Variants in TMC5 observed in about 807,000 individuals in gnomAD.
TMC5 encodes the protein transmembrane channel like 5.
A neutral mutation model predicts 110.5 loss-of-function variants in TMC5; 86 were observed. The observed-to-expected ratio is 0.78, with a 90% CI of 0.65 to 0.93. The LOEUF (loss-of-function observed/expected upper bound fraction) is 0.93, where lower values mean the gene tolerates loss of function less well. Ranked by LOEUF, TMC5 falls within the 40% of genes least tolerant of loss-of-function variation. The pLI is 0.00. For synonymous variants in TMC5, 455 were observed against 439.5 expected (o/e 1.04, Z -0.44); for missense variants, 1,144 against 1,222.8 (o/e 0.94, Z 0.96).
At chr16:19,413,124 G>A (rs1297637276), upstream of TMC5, among the ~76,000 whole-genome samples, 4 of 152,186 alleles carry the variant, frequency 2.6e-5, no homozygotes, top group Admixed American at 6.5e-5. Flanking sequence ...GGCTTTAGGC[G>A]CACCCTACCA....
chr16:19,411,611 C>T (rs1006030358), intron 1 of TMC5: 20 of 152,310 alleles, frequency 1.3e-4, no homozygotes, highest in African/African-American at 4.6e-4. Flanking sequence ...TTCTGGGATC[C>T]TTTTCCCTAT....
chr16:19,469,684 G>A lies in TMC5; in HGVS notation c.1641G>A (p.Met547Ile), dbSNP rs144904444. Reference sequence around the variant, plus strand: ...TTCTGCTTTCTGCCTTCTCTAGCATGGCCAAGTATTTCCGGAACAACTTCA... The same window carrying A: ...TTCTGCTTTCTGCCTTCTCTAGCATAGCCAAGTATTTCCGGAACAACTTCA... ...TTCFFSLLFS[M>I]AKYFRNNFIN... The change falls in exon 10 of 22, where the codon ATG becomes ATA. Residue 547 changes from methionine to isoleucine, a missense_variant. Met to Ile is a conservative substitution (Grantham distance 10). Transcript: ENST00000542583. 8 of 1,613,826 alleles carry A rather than the reference G, an allele frequency of 5.0e-6. No homozygotes were observed. The highest frequency in any genetic ancestry group is 6.8e-6 in the Non-Finnish European group (8 of 1,179,916).
At chr16:19,477,324 C>T (rs1968513303) in intron 12 of TMC5, 116 bp from the exon 13 acceptor site, 1 of 764,800 alleles carries the variant, frequency 1.3e-6, no homozygotes, top group Non-Finnish European at 2.3e-6. Flanking sequence ...ATGTGCCCCC[C>T]TCCAACCACA....
rs1300666947 is a variant in TMC5, at chr16:19,481,398, C to T, written c.2296C>T (p.Leu766Phe). The change falls in exon 15 of 22, where the codon CTT becomes TTT. Residue 766 changes from leucine (L) to phenylalanine (F), a missense_variant. Leu to Phe is a conservative substitution (Grantham distance 22). Coordinates refer to ENST00000542583, the MANE Select transcript of TMC5 (RefSeq NM_001261841.2). ...CATTGGGATGCAACTGATCACAAGT[C>T]TTGGCCTTCAGGAGTTTGACATTGC... is the stretch of plus-strand genomic sequence containing the variant. Reference protein sequence around the residue: ...RIIGMQLITSLGLQEFDIARN... With the variant: ...RIIGMQLITSFGLQEFDIARN... The T allele has an allele frequency of 6.2e-7, 1 of 1,613,882 alleles. No individual in the cohort carries two copies. The highest frequency in any genetic ancestry group is 1.7e-5 in the Admixed American group (1 of 59,990).
intron 18 of TMC5, among the ~76,000 whole-genome samples, chr16:19,490,903 C>CTCCCT (rs141088706): frequency 0.2 from 11,407 of 58,436 alleles, 1,288 homozygotes; most frequent in East Asian, 0.41. Context: ...CTCCCTTCCC[C>CTCCCT]TCCCTTCCCT....
At position 19,462,492 on chromosome 16, in the gene TMC5, G is replaced by C. The variant is rs781313888; in HGVS notation, c.1149-788G>C. 8.6e-6 allele frequency: 6 copies of C among 701,320 alleles called. No individual in the cohort carries two copies. In the South Asian group the frequency reaches 8.9e-5, roughly 10 times the overall value. 43.4% of individuals were successfully genotyped at this position (701,320 alleles called of 1,614,324 possible). A position where few individuals can be genotyped will look rare whatever the true frequency, so the allele number is the denominator to read the frequency against. On this transcript the variant is annotated intron_variant, in intron 6 of 21. Coordinates refer to ENST00000542583, the MANE Select transcript of TMC5 (RefSeq NM_001261841.2). ...AGGAAAGAGGTTTAATGGACTCACTGTTCCACACAGCAGGGGAGGCCTCAC... is the reference window on the plus strand; with the variant it reads ...AGGAAAGAGGTTTAATGGACTCACTCTTCCACACAGCAGGGGAGGCCTCAC...
chr16:19,451,045 G>T (rs554134063), intron 5 of TMC5, among the ~76,000 whole-genome samples: 156 of 152,104 alleles, frequency 1.0e-3, no homozygotes, highest in Non-Finnish European at 1.8e-3. Context: ...GAGGCGGTAG[G>T]ATTGCTTGAG....
Position 19,469,680 on chromosome 16 carries a change from G to C in TMC5, c.1638-1G>C. The C allele has an allele frequency of 6.2e-7, 1 of 1,613,886 alleles. No homozygotes were observed. Among genetic ancestry groups the C allele is most frequent in the Non-Finnish European group, 8.5e-7 (1 of 1,179,860 alleles). The stretch of plus-strand genomic sequence containing the variant: ...GGTGTTCTGCTTTCTGCCTTCTCTA[G>C]CATGGCCAAGTATTTCCGGAACAAC... On this transcript the variant is annotated splice_acceptor_variant, in intron 9 of 21. Transcript: ENST00000542583. LOFTEE classifies it high-confidence loss of function.
chr16:19,471,909 C>T (rs1260307820), intron 10 of TMC5, among the ~76,000 whole-genome samples, 179 bp from the exon 11 acceptor site: 2 of 152,094 alleles, frequency 1.3e-5, no homozygotes, highest in Non-Finnish European at 2.9e-5. Flanking sequence ...TACAGGCATG[C>T]ACCACCACGC....
chr16:19,455,305 A>G (rs932587768), intron 5 of TMC5, among the ~76,000 whole-genome samples: 4 of 151,316 alleles, frequency 2.6e-5, no homozygotes, highest in Non-Finnish European at 5.9e-5. Context: ...AAAATTTGCC[A>G]GGCTACTCAG....
At chr16:19,452,189 C>G (rs74246696) in intron 5 of TMC5, among the ~76,000 whole-genome samples, 1 of 152,124 alleles carries the variant, frequency 6.6e-6, no homozygotes, top group Non-Finnish European at 1.5e-5. Flanking sequence ...CACAGAACTT[C>G]GGGAAACTTA....
At chr16:19,457,733 T>TTTTTTTG (rs1162044251) in intron 5 of TMC5, among the ~76,000 whole-genome samples, 1 of 111,296 alleles carries the variant, frequency 9.0e-6, no homozygotes, top group Non-Finnish European at 1.8e-5. Context: ...TTTTTTTTTT[T>TTTTTTTG]TTTTTTTTTT....
At chr16:19,493,922 A>G (rs1968982793) in intron 19 of TMC5, among the ~76,000 whole-genome samples, 1 of 151,866 alleles carries the variant, frequency 6.6e-6, no homozygotes. Context: ...GCTCTGGGGC[A>G]CGTGCCTATG....
upstream of TMC5, among the ~76,000 whole-genome samples, chr16:19,413,046 G>A (rs540957875): frequency 6.6e-6 from 1 of 152,118 alleles, no homozygotes; most frequent in South Asian, 2.1e-4. Flanking sequence ...GTCTGGCTGT[G>A]TTGCCCAGGC....
At chr16:19,438,257 A>G (rs1442482237) in intron 2 of TMC5, among the ~76,000 whole-genome samples, 1 of 151,268 alleles carries the variant, frequency 6.6e-6, no homozygotes, top group African/African-American at 2.4e-5. Flanking sequence ...TAGGACCACA[A>G]GATGCATGCT....
rs1441751648 is a variant in TMC5 at position 19,481,352 on chromosome 16, C to T, written c.2268-18C>T. 6.3e-7 allele frequency: 1 copy of T among 1,587,028 alleles called. No individual in the cohort carries two copies. The highest frequency in any genetic ancestry group is 1.7e-5 in the Admixed American group (1 of 59,988). On this transcript the variant is annotated intron_variant, in intron 14 of 21. Coordinates refer to ENST00000542583, the MANE Select transcript of TMC5 (RefSeq NM_001261841.2). ...TGGGAGTTATGGTTTGGGTACTAAA[C>T]TCAGTATGTTTTCACAGAATCATTG...
In TMC5 at chr16:19,420,252, C is replaced by T. The variant is rs546356551; in HGVS notation, c.-308+2160C>T. 5.1e-4 allele frequency among the ~76,000 whole-genome samples: 77 copies of T among 152,110 alleles called. 1 individual carries two copies. Among genetic ancestry groups the T allele is most frequent in the Admixed American group, 9.2e-4 (14 of 15,278 alleles). ...CCATCCTGGCCAACATGGTGAAACCCTGTCTCTACTAAAACACAAAAAAAA... is the reference window on the plus strand; with the variant it reads ...CCATCCTGGCCAACATGGTGAAACCTTGTCTCTACTAAAACACAAAAAAAA... On this transcript the variant is annotated intron_variant, in intron 1 of 21. Transcript: ENST00000542583.
intron 20 of TMC5, among the ~76,000 whole-genome samples, chr16:19,496,611 G>A (rs1969058225): frequency 6.6e-6 from 1 of 152,052 alleles, no homozygotes; most frequent in Admixed American, 6.6e-5. Flanking sequence ...ACGGCCAGGT[G>A]CGGTGGCTCA....
intron 9 of TMC5, among the ~76,000 whole-genome samples, chr16:19,467,680 C>T (rs887878954): frequency 1.3e-5 from 2 of 152,168 alleles, no homozygotes; most frequent in Middle Eastern, 3.4e-3. Flanking sequence ...CGGGGTTTCA[C>T]CATGTTGGCC....
Sources: allele counts gnomAD v4.1 joint callset (sites outside exome capture counted in the v4.1 genomes callset), GRCh38; gene constraint gnomAD v4.1.1; transcripts MANE v1.5; gene names NCBI Gene and HGNC (gene_info 2026-07-23, HGNC 2026-07-21).